PTPRG: variants seen among roughly 807,000 people sequenced by gnomAD.
PTPRG encodes the protein receptor-type tyrosine-protein phosphatase gamma.
A neutral mutation model predicts 165.3 loss-of-function variants in PTPRG; 102 were observed. The observed-to-expected ratio is 0.62, with a 90% CI of 0.53 to 0.73. PTPRG has a LOEUF of 0.73. Among genes scored for constraint, PTPRG ranks in the 30% least tolerant of loss-of-function variants. PTPRG has a pLI of 0.00. For synonymous variants in PTPRG, 675 were observed against 669.5 expected (o/e 1.01, Z -0.13); for missense variants, 1,866 against 1,861.4 (o/e 1.00, Z -0.05).
intron 1 of PTPRG, among the ~76,000 whole-genome samples, chr3:61,602,411 C>A (rs1700894595): frequency 6.6e-6 from 1 of 152,090 alleles, no homozygotes; most frequent in South Asian, 2.1e-4. Context: ...TGGGACCAGT[C>A]AAGTGTCCAG....
intron 2 of PTPRG, among the ~76,000 whole-genome samples, chr3:61,965,340 T>C (rs534491116): frequency 6.6e-6 from 1 of 151,396 alleles, no homozygotes; most frequent in South Asian, 2.1e-4. Context: ...ATACAAAAAT[T>C]AGCTGGACGT....
At chr3:61,939,063 G>A (rs965272248) in intron 2 of PTPRG, among the ~76,000 whole-genome samples, 1 of 152,158 alleles carries the variant, frequency 6.6e-6, no homozygotes, top group Non-Finnish European at 1.5e-5. Flanking sequence ...TGCAGCACCT[G>A]GGAAAACCGG....
rs140004234 is a variant in PTPRG, at chr3:62,006,448, G to A, written c.519+2951G>A. Among the ~76,000 whole-genome samples the A allele has an allele frequency of 5.7e-4, 86 of 152,078 alleles. 1 individual carries two copies. The highest frequency in any genetic ancestry group is 5.2e-3 in the East Asian group (27 of 5,176). ...TTTTTATACTATTTGAGCATCTTAC[G>A]CTTGGTTTATTTCTTTTCATATAAC... On this transcript the variant is annotated intron_variant, in intron 4 of 29. Coordinates refer to ENST00000474889, the MANE Select transcript of PTPRG (RefSeq NM_002841.4).
At chr3:61,828,550 T>G (rs1249009680) in intron 2 of PTPRG, among the ~76,000 whole-genome samples, 1 of 152,240 alleles carries the variant, frequency 6.6e-6, no homozygotes, top group Non-Finnish European at 1.5e-5. Flanking sequence ...AGAAAGTGAA[T>G]GCATGGACTT....
At chr3:61,960,038 C>T (rs910318832) in intron 2 of PTPRG, among the ~76,000 whole-genome samples, 1 of 152,178 alleles carries the variant, frequency 6.6e-6, no homozygotes, top group African/African-American at 2.4e-5. Context: ...GCTCAGCTTA[C>T]GTGCCACCTT....
At chr3:62,202,705 G>A (rs1341873318) in intron 11 of PTPRG, among the ~76,000 whole-genome samples, 1 of 152,200 alleles carries the variant, frequency 6.6e-6, no homozygotes, top group Non-Finnish European at 1.5e-5. Flanking sequence ...AGACAGTGGG[G>A]TTGGACTGGA....
chr3:62,059,807 T>C (rs966655888), intron 4 of PTPRG, among the ~76,000 whole-genome samples: 31 of 152,286 alleles, frequency 2.0e-4, no homozygotes, highest in African/African-American at 7.0e-4. Context: ...CTCATGATAG[T>C]GAGTGAGTTC....
At chr3:61,925,659 C>T (rs78557401) in intron 2 of PTPRG, among the ~76,000 whole-genome samples, 1 of 152,020 alleles carries the variant, frequency 6.6e-6, no homozygotes. Flanking sequence ...AGGAGAATTT[C>T]ATGAACCTGG....
chr3:61,624,471 C>T (rs1023261674), intron 1 of PTPRG, among the ~76,000 whole-genome samples: 10 of 152,044 alleles, frequency 6.6e-5, no homozygotes, highest in South Asian at 4.1e-4. Flanking sequence ...ATTTTAGATA[C>T]GAAATGTAGA....
intron 5 of PTPRG, among the ~76,000 whole-genome samples, chr3:62,109,455 G>C (rs867835066): frequency 6.6e-6 from 1 of 152,212 alleles, no homozygotes; most frequent in Non-Finnish European, 1.5e-5. Flanking sequence ...TAGTCTTGCA[G>C]TGTAGTTTGA....
At chr3:61,927,207 T>G (rs967938924) in intron 2 of PTPRG, among the ~76,000 whole-genome samples, 8 of 152,180 alleles carry the variant, frequency 5.3e-5, no homozygotes, top group Non-Finnish European at 1.0e-4. Context: ...AACTTTTTTT[T>G]CCTCCCAGCT....
At chr3:62,144,189 GAA>G (rs1382086184) in intron 6 of PTPRG, among the ~76,000 whole-genome samples, 1 of 152,182 alleles carries the variant, frequency 6.6e-6, no homozygotes, top group Non-Finnish European at 1.5e-5. Context: ...GCCCTTTAAA[GAA>G]AAAGTTTGTC....
chr3:61,837,330 T>A (rs968332398), intron 2 of PTPRG, among the ~76,000 whole-genome samples: 1 of 152,188 alleles, frequency 6.6e-6, no homozygotes. Flanking sequence ...TTCACAGGTG[T>A]GAGCCACCGC....
chr3:61,583,532 G>T (rs1191065509), intron 1 of PTPRG, among the ~76,000 whole-genome samples: 1 of 152,052 alleles, frequency 6.6e-6, no homozygotes, highest in Non-Finnish European at 1.5e-5. Flanking sequence ...TATTATTTTT[G>T]CCTGCCTAGC....
chr3:62,157,354 C>A, intron 7 of PTPRG, 130 bp downstream of exon 7: 3 of 946,432 alleles, frequency 3.2e-6, no homozygotes, highest in Non-Finnish European at 4.5e-6. Flanking sequence ...TTCCTGCAGT[C>A]TTTCCCACAA....
intron 2 of PTPRG, among the ~76,000 whole-genome samples, chr3:61,953,514 G>T (rs1046895464): frequency 1.3e-5 from 2 of 152,174 alleles, no homozygotes; most frequent in African/African-American, 2.4e-5. Context: ...TTACCTACGG[G>T]CTCCCTAGTA....
chr3:62,088,952 T>C (rs1406893623), intron 5 of PTPRG, among the ~76,000 whole-genome samples: 1 of 152,236 alleles, frequency 6.6e-6, no homozygotes, highest in Non-Finnish European at 1.5e-5. Context: ...AGGGCCAGGA[T>C]TATTAACCAT....
intron 2 of PTPRG, among the ~76,000 whole-genome samples, chr3:61,931,614 C>G (rs1017366389): frequency 2.6e-5 from 4 of 152,182 alleles, no homozygotes; most frequent in Non-Finnish European, 4.4e-5. Context: ...CCTTCCCACC[C>G]TCTTCTAACC....
Position 61,939,300 on chromosome 3 carries a change from C to G in PTPRG, c.191-50325C>G, listed in dbSNP as rs979266223. Among the ~76,000 whole-genome samples, 10 of 152,272 alleles carry G rather than the reference C, an allele frequency of 6.6e-5. 1 individual carries two copies. The Middle Eastern group carries it at 0.014, about 207-fold the overall frequency. On this transcript the variant is annotated intron_variant, in intron 2 of 29. Coordinates refer to ENST00000474889, the MANE Select transcript of PTPRG (RefSeq NM_002841.4). The stretch of plus-strand genomic sequence containing the variant: ...TGACATGAAGTGCCTCTAAGCAGAC[C>G]TCAAACAAGCTCCTTGCCTCCCATA...
Sources: allele counts gnomAD v4.1 joint callset (sites outside exome capture counted in the v4.1 genomes callset), GRCh38; gene constraint gnomAD v4.1.1; transcripts MANE v1.5; gene names NCBI Gene and HGNC (gene_info 2026-07-23, HGNC 2026-07-21).